Variants in CDH10 observed in about 807,000 individuals in gnomAD.
CDH10 encodes the protein cadherin-10.
Under a neutral mutation model 73.1 loss-of-function variants are expected in CDH10, and 30 were observed. That is an observed-to-expected ratio of 0.41 (90% CI 0.31 to 0.56). The LOEUF (loss-of-function observed/expected upper bound fraction) is 0.56. Ranked by LOEUF, CDH10 falls within the 20% of genes least tolerant of loss-of-function variation. The pLI, the probability that CDH10 is intolerant of heterozygous loss-of-function variation, is 0.27. For synonymous variants in CDH10, 345 were observed against 348.2 expected, an observed-to-expected ratio of 0.99 and a Z score of 0.10; for missense variants, 815 against 973.7, an observed-to-expected ratio of 0.84 and a Z score of 2.17.
intron 8 of CDH10, chr5:24,499,335 T>C (rs1241138221): frequency 6.6e-6 from 1 of 152,632 alleles, no homozygotes; most frequent in African/African-American, 2.4e-5. Flanking sequence ...ATACTAATCA[T>C]ACCTTTTGCT....
chr5:24,591,758 GTGTTGA>G (rs1255850688), intron 2 of CDH10, among the ~76,000 whole-genome samples: 2 of 151,780 alleles, frequency 1.3e-5, no homozygotes, highest in African/African-American at 4.8e-5. Context: ...TGATTTCAAG[GTGTTGA>G]TATTTTATGA....
intron 2 of CDH10, among the ~76,000 whole-genome samples, chr5:24,586,308 C>T (rs1745991229): frequency 6.6e-6 from 1 of 151,968 alleles, no homozygotes; most frequent in East Asian, 1.9e-4. Flanking sequence ...ATTAAATTCC[C>T]TTTGCCTACT....
chr5:24,581,327 T>C (rs1222830298), intron 2 of CDH10, among the ~76,000 whole-genome samples: 2 of 152,196 alleles, frequency 1.3e-5, no homozygotes, highest in Non-Finnish European at 2.9e-5. Flanking sequence ...TAACTGCTGG[T>C]CTCATTCACT....
At chr5:24,497,003 T>C (rs1027982683) in intron 9 of CDH10, among the ~76,000 whole-genome samples, 1 of 152,096 alleles carries the variant, frequency 6.6e-6, no homozygotes, top group Non-Finnish European at 1.5e-5. Flanking sequence ...TCCTATCAGG[T>C]GGGTCAAGAT....
chr5:24,520,240 G>A (rs1273207629), intron 5 of CDH10, among the ~76,000 whole-genome samples: 1 of 152,068 alleles, frequency 6.6e-6, no homozygotes, highest in East Asian at 1.9e-4. Context: ...AACAGCATGA[G>A]AACAGATGAA....
At chr5:24,567,142 C>T (rs1335061414) in intron 2 of CDH10, among the ~76,000 whole-genome samples, 1 of 151,964 alleles carries the variant, frequency 6.6e-6, no homozygotes, top group Non-Finnish European at 1.5e-5. Flanking sequence ...TAAAAAACTA[C>T]ATTACACTGC....
intron 2 of CDH10, among the ~76,000 whole-genome samples, chr5:24,544,994 A>T (rs1425551953): frequency 6.6e-6 from 1 of 152,214 alleles, no homozygotes; most frequent in Non-Finnish European, 1.5e-5. Context: ...TCAAAGGTCA[A>T]CAATTTAAGT....
intron 1 of CDH10, among the ~76,000 whole-genome samples, chr5:24,628,305 C>A (rs568136506): frequency 2.6e-5 from 4 of 152,250 alleles, no homozygotes; most frequent in African/African-American, 2.4e-5. Context: ...TGCTATACAG[C>A]AATCAACCCA....
At position 24,487,115 on chromosome 5, in the gene CDH10, G is replaced by T. The variant is rs1741868022; in HGVS notation, c.*548C>A. 6.6e-6 allele frequency: 1 copy of T among 152,394 alleles called. No individual in the cohort carries two copies. Among genetic ancestry groups the T allele is most frequent in the Non-Finnish European group, 1.5e-5 (1 of 67,980 alleles). 9.4% of individuals were successfully genotyped at this position (152,394 alleles called of 1,614,324 possible). The stretch of plus-strand genomic sequence containing the variant: ...ACAGACAAAGTAGTTGTAAAAACTG[G>T]TTTATTTTTTTAAAAATAAATACAA... On this transcript the variant is annotated 3_prime_UTR_variant, in exon 12 of 12. Transcript: ENST00000264463.
chr5:24,570,330 G>C (rs1349061403), intron 2 of CDH10, among the ~76,000 whole-genome samples: 1 of 152,112 alleles, frequency 6.6e-6, no homozygotes, highest in Non-Finnish European at 1.5e-5. Flanking sequence ...TTCAAGGATA[G>C]AGCGTTACTA....
intron 2 of CDH10, among the ~76,000 whole-genome samples, chr5:24,571,434 T>C (rs1187419518): frequency 6.6e-6 from 1 of 151,784 alleles, no homozygotes; most frequent in Non-Finnish European, 1.5e-5. Flanking sequence ...AACTGAGGGG[T>C]TATGTGACAA....
At chr5:24,504,848 T>C (rs1643759172) in intron 8 of CDH10, among the ~76,000 whole-genome samples, 1 of 152,192 alleles carries the variant, frequency 6.6e-6, no homozygotes, top group African/African-American at 2.4e-5. Flanking sequence ...ATGTCAATGT[T>C]ATTTTGAGGC....
chr5:24,570,841 A>C (rs1281155947), intron 2 of CDH10, among the ~76,000 whole-genome samples: 1 of 151,852 alleles, frequency 6.6e-6, no homozygotes, highest in Non-Finnish European at 1.5e-5. Flanking sequence ...GCTCGTTTTG[A>C]GAATGATTTG....
intron 2 of CDH10, among the ~76,000 whole-genome samples, chr5:24,544,918 T>G (rs1561153135): frequency 6.6e-6 from 1 of 152,180 alleles, no homozygotes; most frequent in African/African-American, 2.4e-5. Flanking sequence ...AGAAACACAC[T>G]TTCACAGGCA....
At chr5:24,491,504 T>G (rs761009554) in intron 11 of CDH10, 72 bp downstream of exon 11, 1 of 1,404,398 alleles carries the variant, frequency 7.1e-7, no homozygotes, top group Non-Finnish European at 9.7e-7. Context: ...GGAGGGATTT[T>G]AATAGCCACA....
chr5:24,587,081 T>G (rs1579847482), intron 2 of CDH10, among the ~76,000 whole-genome samples: 1 of 151,846 alleles, frequency 6.6e-6, no homozygotes, highest in South Asian at 2.1e-4. Context: ...CCTGACCTCG[T>G]GATCTGCCCG....
intron 2 of CDH10, among the ~76,000 whole-genome samples, chr5:24,538,755 G>T (rs910380468): frequency 6.6e-6 from 1 of 152,018 alleles, no homozygotes; most frequent in Non-Finnish European, 1.5e-5. Context: ...TGGGCCCAAT[G>T]ACCTTGAGAA....
In CDH10 at chr5:24,537,584, T is replaced by G; in HGVS notation, c.322A>C (p.Thr108Pro). ...CGCCTTGTGGCATGAATATCACCTG[T>G]TTTTTCATCAATAATAAAAAGAGTA... ...AGTLFIIDEK[T>P]GDIHATRRID... Residue 108 changes from threonine to proline, a missense_variant, in exon 3 of 12, where the codon ACA becomes CCA. Transcript: ENST00000264463. 6.2e-7 allele frequency: 1 copy of G among 1,610,018 alleles called. No individual in the cohort carries two copies. The highest frequency in any genetic ancestry group is 8.5e-7 in the Non-Finnish European group (1 of 1,176,546).
intron 2 of CDH10, among the ~76,000 whole-genome samples, chr5:24,589,451 A>T (rs1326527510): frequency 6.6e-6 from 1 of 152,006 alleles, no homozygotes; most frequent in Non-Finnish European, 1.5e-5. Context: ...TACTATACTG[A>T]CTTAGAATCA....
Sources: gnomAD v4.1 joint callset for allele counts (sites outside exome capture counted in the v4.1 genomes callset) on GRCh38, gnomAD v4.1.1 for gene constraint, MANE v1.5 for transcripts, NCBI Gene and HGNC (gene_info 2026-07-23, HGNC 2026-07-21) for gene names.